TNS3: variants seen among roughly 807,000 people sequenced by gnomAD.
The protein encoded by TNS3 is tensin-3.
Under a neutral mutation model 140.9 loss-of-function variants are expected in TNS3, and 45 were observed. The ratio of observed to expected loss-of-function variants is 0.32; its 90% CI spans 0.25 to 0.41. The LOEUF (loss-of-function observed/expected upper bound fraction) is 0.41. Among genes scored for constraint, TNS3 ranks in the 10% least tolerant of loss-of-function variants. The probability of loss-of-function intolerance (pLI) is 1.00; values close to 1 mark genes in which losing one functional copy is unlikely to be tolerated. For missense variants in TNS3, 1,716 were observed against 1,906.7 expected (o/e 0.90, Z 1.86); for synonymous variants, 815 against 788.4 (o/e 1.03, Z -0.56).
chr7:47,551,821 T>A (rs915458273), intron 1 of TNS3, among the ~76,000 whole-genome samples: 7 of 152,158 alleles, frequency 4.6e-5, no homozygotes, highest in African/African-American at 1.7e-4. Flanking sequence ...ATGGCTGTTA[T>A]CACCCTAAAT....
intron 9 of TNS3, among the ~76,000 whole-genome samples, chr7:47,424,630 T>TGCA (rs1215516944): frequency 2.6e-5 from 4 of 152,096 alleles, no homozygotes; most frequent in Non-Finnish European, 5.9e-5. Context: ...ACCACATGGA[T>TGCA]GCAGGGAGCA....
intron 20 of TNS3, among the ~76,000 whole-genome samples, chr7:47,335,562 G>A (rs527315792): frequency 6.6e-6 from 1 of 152,296 alleles, no homozygotes; most frequent in East Asian, 1.9e-4. Context: ...AGGATTCCCA[G>A]GGCTCAGCCA....
intron 1 of TNS3, among the ~76,000 whole-genome samples, chr7:47,581,174 G>A (rs1784521716): frequency 1.3e-5 from 2 of 152,126 alleles, no homozygotes; most frequent in South Asian, 4.1e-4. Flanking sequence ...CAAAGGACCC[G>A]GGACTCACAT....
intron 2 of TNS3, 87 bp downstream of exon 2, chr7:47,528,949 G>A (rs533354808): frequency 7.7e-5 from 61 of 792,388 alleles, no homozygotes; most frequent in Admixed American, 3.5e-4. Flanking sequence ...TTTAACTTTC[G>A]GAAACTCCTG....
At chr7:47,441,086 A>C (rs747706279) in intron 5 of TNS3, among the ~76,000 whole-genome samples, 2 of 152,314 alleles carry the variant, frequency 1.3e-5, no homozygotes, top group South Asian at 4.1e-4. Flanking sequence ...AGATAAGGGC[A>C]CTTTTTGATT....
At chr7:47,356,868 G>A (rs966881125) in intron 17 of TNS3, among the ~76,000 whole-genome samples, 16 of 151,772 alleles carry the variant, frequency 1.1e-4, no homozygotes, top group African/African-American at 3.9e-4. Flanking sequence ...TTTGAGCCCA[G>A]GAGTTCCAGA....
intron 4 of TNS3, among the ~76,000 whole-genome samples, chr7:47,453,719 C>A (rs947466731): frequency 6.6e-6 from 1 of 152,228 alleles, no homozygotes; most frequent in South Asian, 2.1e-4. Context: ...GAATGAGGCA[C>A]CAGACGGTTC....
At chr7:47,515,036 A>G (rs1798734228) in intron 2 of TNS3, among the ~76,000 whole-genome samples, 1 of 152,184 alleles carries the variant, frequency 6.6e-6, no homozygotes, top group East Asian at 1.9e-4. Flanking sequence ...GGAGTGTAAG[A>G]AAAACCACAA....
At chr7:47,549,416 A>G (rs535151711) in intron 1 of TNS3, among the ~76,000 whole-genome samples, 3 of 152,106 alleles carry the variant, frequency 2.0e-5, no homozygotes, top group Non-Finnish European at 2.9e-5. Context: ...AATCACTTGA[A>G]CCCAGGAGGC....
At chr7:47,384,001 T>A (rs774607083) in intron 16 of TNS3, among the ~76,000 whole-genome samples, 1 of 152,208 alleles carries the variant, frequency 6.6e-6, no homozygotes, top group South Asian at 2.1e-4. Context: ...TAAATTCAGA[T>A]AGCTTCTGGT....
chr7:47,400,493 A>C, intron 14 of TNS3, 35 bp from the exon 15 acceptor site: 5 of 1,605,538 alleles, frequency 3.1e-6, no homozygotes, highest in Non-Finnish European at 4.3e-6. Context: ...ACATTTGTGG[A>C]GACAATTAAC....
At chr7:47,539,021 G>T in intron 1 of TNS3, 3 of 456,560 alleles carry the variant, frequency 6.6e-6, no homozygotes, top group South Asian at 4.6e-5. Flanking sequence ...TGCTGTCATG[G>T]TTTACCCAGG....
intron 16 of TNS3, among the ~76,000 whole-genome samples, chr7:47,389,385 C>T (rs970044894): frequency 1.3e-5 from 2 of 152,168 alleles, no homozygotes; most frequent in Non-Finnish European, 2.9e-5. Context: ...GGACCCAGGA[C>T]AAATCCAGCC....
chr7:47,294,739 AGG>A (rs1785908358), intron 24 of TNS3, among the ~76,000 whole-genome samples: 1 of 152,272 alleles, frequency 6.6e-6, no homozygotes. Context: ...GCATTTCACA[AGG>A]GCAGTAAAGC....
At position 47,277,659 on chromosome 7, in the gene TNS3, G is replaced by A; in HGVS notation, c.*417C>T. On this transcript the variant is annotated 3_prime_UTR_variant, in exon 31 of 31. Coordinates refer to ENST00000311160, the MANE Select transcript of TNS3 (RefSeq NM_022748.12). ...GGTGCAGCTGGACAGAAGCGCCCAT[G>A]CGGACGGGCGAAGCATGGCAGTCAC... 1 of 277,138 alleles carries A rather than the reference G, an allele frequency of 3.6e-6. No individual in the cohort carries two copies. Among genetic ancestry groups the A allele is most frequent in the South Asian group, 3.8e-5 (1 of 26,406 alleles). 17.2% of individuals were successfully genotyped at this position (277,138 alleles called of 1,614,324 possible).
chr7:47,498,620 A>G (rs950956701), intron 3 of TNS3, among the ~76,000 whole-genome samples: 12 of 152,268 alleles, frequency 7.9e-5, no homozygotes, highest in African/African-American at 2.9e-4. Flanking sequence ...TCAAAAGATC[A>G]TAATTCTCTT....
At chr7:47,554,673 G>A (rs1043253141) in intron 1 of TNS3, among the ~76,000 whole-genome samples, 2 of 152,178 alleles carry the variant, frequency 1.3e-5, no homozygotes, top group South Asian at 2.1e-4. Context: ...TGCTGCAATC[G>A]CATGATCAAT....
intron 17 of TNS3, among the ~76,000 whole-genome samples, chr7:47,364,662 G>A (rs1352341693): frequency 1.3e-5 from 2 of 152,210 alleles, no homozygotes; most frequent in Non-Finnish European, 1.5e-5. Context: ...ACTAAATGAA[G>A]TGCAAGTCTC....
Position 47,297,064 on chromosome 7 carries a change from AG to A in TNS3, c.3676+17del. ...CTGTGGATGAGCTGAACAGATCAAT[AG>A]GGAGCAGTAACCTTACCTTTCTTGT... On this transcript the variant is annotated intron_variant, in intron 24 of 30. Coordinates refer to ENST00000311160, the MANE Select transcript of TNS3 (RefSeq NM_022748.12). 1 of 1,614,088 alleles carries A rather than the reference AG, an allele frequency of 6.2e-7. No individual in the cohort carries two copies. Among genetic ancestry groups the A allele is most frequent in the Middle Eastern group, 1.7e-4 (1 of 6,054 alleles).
Sources: allele counts gnomAD v4.1 joint callset (sites outside exome capture counted in the v4.1 genomes callset), GRCh38; gene constraint gnomAD v4.1.1; transcripts MANE v1.5; gene names NCBI Gene and HGNC (gene_info 2026-07-23, HGNC 2026-07-21).